The following SDK1 variants were observed in gnomAD, a reference collection of about 807,000 sequenced individuals.
The protein encoded by SDK1 is sidekick cell adhesion molecule 1, also known as protein sidekick-1.
Under a neutral mutation model 245.5 loss-of-function variants are expected in SDK1, and 157 were observed. The observed-to-expected ratio is 0.64, with a 90% CI of 0.56 to 0.73. The LOEUF (loss-of-function observed/expected upper bound fraction) is 0.73, where lower values mean the gene tolerates loss of function less well. Among genes scored for constraint, SDK1 ranks in the 30% least tolerant of loss-of-function variants. The pLI is 0.00. For synonymous variants in SDK1, 1,647 were observed against 1,278.5 expected (o/e 1.29, Z -6.15); for missense variants, 3,583 against 3,002.3 (o/e 1.19, Z -4.52).
At chr7:4,126,013 C>T (rs1474637301) in intron 25 of SDK1, among the ~76,000 whole-genome samples, 1 of 152,184 alleles carries the variant, frequency 6.6e-6, no homozygotes, top group Non-Finnish European at 1.5e-5. Context: ...ACTTTGCCAC[C>T]AAACAGTATC....
At chr7:3,577,433 G>C (rs960079406) in intron 1 of SDK1, among the ~76,000 whole-genome samples, 7 of 151,958 alleles carry the variant, frequency 4.6e-5, no homozygotes, top group Non-Finnish European at 1.5e-5. Flanking sequence ...ACTGAGACGT[G>C]CTCCCTTTAC....
chr7:3,702,679 T>C (rs2071069685), intron 4 of SDK1, among the ~76,000 whole-genome samples: 1 of 152,258 alleles, frequency 6.6e-6, no homozygotes, highest in Non-Finnish European at 1.5e-5. Context: ...TGGCCTTGGC[T>C]GTTCCCCATG....
intron 1 of SDK1, among the ~76,000 whole-genome samples, chr7:3,489,804 C>A (rs1292234048): frequency 6.6e-6 from 1 of 152,144 alleles, no homozygotes; most frequent in Non-Finnish European, 1.5e-5. Flanking sequence ...ACAAAGTATA[C>A]ATGGTAAATG....
chr7:3,906,776 C>T (rs528542705), intron 5 of SDK1, among the ~76,000 whole-genome samples: 7 of 151,804 alleles, frequency 4.6e-5, no homozygotes, highest in Admixed American at 1.3e-4. Context: ...TACAGGTGCA[C>T]GCCACCATGT....
At chr7:4,212,531 G>T (rs1784562048) in intron 38 of SDK1, among the ~76,000 whole-genome samples, 1 of 152,220 alleles carries the variant, frequency 6.6e-6, no homozygotes, top group Admixed American at 6.5e-5. Flanking sequence ...CGGGGATTTA[G>T]TGTGGCCACT....
intron 14 of SDK1, among the ~76,000 whole-genome samples, chr7:3,987,626 G>C (rs1783968720): frequency 6.6e-6 from 1 of 152,124 alleles, no homozygotes; most frequent in Non-Finnish European, 1.5e-5. Flanking sequence ...AGCTGGAAAT[G>C]GGTTAACAAT....
intron 1 of SDK1, among the ~76,000 whole-genome samples, chr7:3,460,448 A>G (rs544489958): frequency 6.6e-6 from 1 of 152,302 alleles, no homozygotes; most frequent in East Asian, 1.9e-4. Flanking sequence ...TTATTTGACA[A>G]CTCAAAAGAT....
intron 2 of SDK1, among the ~76,000 whole-genome samples, chr7:3,628,581 A>G (rs755904159): frequency 2.0e-5 from 3 of 152,118 alleles, no homozygotes; most frequent in Non-Finnish European, 4.4e-5. Flanking sequence ...GCAACATTCT[A>G]TATGCTGGGA....
At chr7:3,492,659 A>G (rs1781899775) in intron 1 of SDK1, among the ~76,000 whole-genome samples, 1 of 152,216 alleles carries the variant, frequency 6.6e-6, no homozygotes, top group Admixed American at 6.5e-5. Context: ...GTTCACAGGT[A>G]ACAAGTGCCC....
At chr7:3,913,666 C>T (rs1431228609) in intron 5 of SDK1, among the ~76,000 whole-genome samples, 2 of 152,094 alleles carry the variant, frequency 1.3e-5, no homozygotes, top group Admixed American at 1.3e-4. Context: ...AACATCCTTT[C>T]CCTCATTCAA....
intron 4 of SDK1, among the ~76,000 whole-genome samples, chr7:3,683,647 C>T (rs765961222): frequency 1.3e-5 from 2 of 152,206 alleles, no homozygotes; most frequent in African/African-American, 2.4e-5. Context: ...CCTAACATGG[C>T]AAGCGTGGAA....
At chr7:4,018,645 G>A (rs550255609) in intron 17 of SDK1, among the ~76,000 whole-genome samples, 1 of 152,330 alleles carries the variant, frequency 6.6e-6, no homozygotes, top group East Asian at 1.9e-4. Flanking sequence ...TATTAACTGT[G>A]ACTGTTTCAT....
chr7:4,116,202 C>A (rs995231038), intron 25 of SDK1, among the ~76,000 whole-genome samples: 3 of 152,146 alleles, frequency 2.0e-5, no homozygotes, highest in Admixed American at 6.5e-5. Context: ...CAGCTCCCAG[C>A]AATAAGGAAA....
At chr7:3,850,845 C>T (rs1299504539) in intron 5 of SDK1, among the ~76,000 whole-genome samples, 1 of 138,782 alleles carries the variant, frequency 7.2e-6, no homozygotes, top group Non-Finnish European at 1.5e-5. Flanking sequence ...ACATCACACA[C>T]CGGGGCCTGT....
chr7:3,609,819 G>T (rs1252787774), intron 1 of SDK1, among the ~76,000 whole-genome samples: 1 of 151,458 alleles, frequency 6.6e-6, no homozygotes, highest in Admixed American at 6.6e-5. Flanking sequence ...TCCTGCCTCA[G>T]ACTCACAGGT....
chr7:4,064,504 A>G lies in SDK1; in HGVS notation c.2912-3334A>G, dbSNP rs79525882. On this transcript the variant is annotated intron_variant, in intron 19 of 44. Transcript: ENST00000404826. ...TAGTACAGCCACAATGGAAAACAGT[A>G]TAAGTTTTCAAAAAACTAAAAATAG... Among the ~76,000 whole-genome samples the G allele has an allele frequency of 2.2e-4, 33 of 152,344 alleles. No individual in the cohort carries two copies. In the East Asian group the frequency reaches 4.6e-3, roughly 21 times the overall value.
In SDK1 at chr7:3,969,081, A is replaced by AGGATCCAGTCACCT. The variant is rs1468863505; in HGVS notation, c.1547-175_1547-162dup. On this transcript the variant is annotated intron_variant, in intron 10 of 44. Transcript: ENST00000404826. ...AGAACATCACGGGGGAACCACCCTC[A>AGGATCCAGTCACCT]GGATCCAGTCACCTCCCACCAGATT... Among the ~76,000 whole-genome samples the AGGATCCAGTCACCT allele has an allele frequency of 1.3e-5, 2 of 152,230 alleles. 1 individual carries two copies. Among genetic ancestry groups the AGGATCCAGTCACCT allele is most frequent in the East Asian group, 3.8e-4 (2 of 5,196 alleles).
At chr7:3,501,760 A>C (rs1454806337) in intron 1 of SDK1, among the ~76,000 whole-genome samples, 1 of 152,092 alleles carries the variant, frequency 6.6e-6, no homozygotes, top group African/African-American at 2.4e-5. Context: ...AGTATTTTGG[A>C]CTTTTTCCAG....
At chr7:3,900,649 T>G (rs1292419958) in intron 5 of SDK1, among the ~76,000 whole-genome samples, 1 of 152,104 alleles carries the variant, frequency 6.6e-6, no homozygotes, top group Non-Finnish European at 1.5e-5. Flanking sequence ...AAATGTAAGG[T>G]GAATTAACTG....
Sources: gnomAD v4.1 joint callset for allele counts (sites outside exome capture counted in the v4.1 genomes callset) on GRCh38, gnomAD v4.1.1 for gene constraint, MANE v1.5 for transcripts, NCBI Gene and HGNC (gene_info 2026-07-23, HGNC 2026-07-21) for gene names.